The following CTNNA3 variants were observed in gnomAD, a reference collection of about 807,000 sequenced individuals.
The protein encoded by CTNNA3 is catenin alpha 3, also known as catenin alpha-3.
Under a neutral mutation model 95.7 loss-of-function variants are expected in CTNNA3, and 76 were observed. The ratio of observed to expected loss-of-function variants is 0.79; its 90% CI spans 0.66 to 0.96. The LOEUF (loss-of-function observed/expected upper bound fraction) is 0.96. Ranked by LOEUF, CTNNA3 falls within the 40% of genes least tolerant of loss-of-function variation. The pLI, the probability that CTNNA3 is intolerant of heterozygous loss-of-function variation, is 0.00. For missense variants in CTNNA3, 1,191 were observed against 1,089.8 expected (o/e 1.09, Z -1.31); for synonymous variants, 431 against 374.4 (o/e 1.15, Z -1.74).
rs542002316 is a variant in CTNNA3 at position 66,599,112 on chromosome 10, A to G, written c.1374+22580T>C. The stretch of plus-strand genomic sequence containing the variant: ...CCCTTGCATATACACATTTGTTATA[A>G]AAGCTTGAGAAAGCTACAAAGAACT... On this transcript the variant is annotated intron_variant, in intron 10 of 17. Coordinates refer to ENST00000433211, the MANE Select transcript of CTNNA3 (RefSeq NM_013266.4). 1.2e-4 allele frequency among the ~76,000 whole-genome samples: 18 copies of G among 152,124 alleles called. 1 individual carries two copies. Among genetic ancestry groups the G allele is most frequent in the African/African-American group, 3.6e-4 (15 of 41,554 alleles).
intron 5 of CTNNA3, among the ~76,000 whole-genome samples, chr10:67,504,578 G>C (rs1040687809): frequency 6.6e-6 from 1 of 151,740 alleles, no homozygotes; most frequent in South Asian, 2.1e-4. Context: ...AAAATGCATA[G>C]TGACTGATAC....
chr10:67,307,271 T>C (rs552143705), intron 5 of CTNNA3, among the ~76,000 whole-genome samples: 42 of 152,326 alleles, frequency 2.8e-4, no homozygotes, highest in African/African-American at 9.9e-4. Context: ...CTTCAGTGTC[T>C]TATAGAAAAG....
intron 7 of CTNNA3, among the ~76,000 whole-genome samples, chr10:66,800,770 C>T (rs941818545): frequency 2.6e-5 from 4 of 151,120 alleles, no homozygotes; most frequent in Admixed American, 6.6e-5. Flanking sequence ...TTTAATCCTA[C>T]GTAGATTTAT....
chr10:66,585,614 T>A (rs369373760), intron 10 of CTNNA3, among the ~76,000 whole-genome samples: 66 of 152,182 alleles, frequency 4.3e-4, no homozygotes, highest in African/African-American at 1.5e-3. Context: ...AAAAAAATTA[T>A]GTTGGTTTTC....
intron 5 of CTNNA3, among the ~76,000 whole-genome samples, chr10:67,398,715 G>A (rs1337601791): frequency 6.6e-6 from 1 of 152,096 alleles, no homozygotes; most frequent in Non-Finnish European, 1.5e-5. Flanking sequence ...GTCATGGGAG[G>A]GTACCTGGTG....
At chr10:67,443,545 A>C (rs1156773213) in intron 5 of CTNNA3, among the ~76,000 whole-genome samples, 1 of 152,212 alleles carries the variant, frequency 6.6e-6, no homozygotes, top group Non-Finnish European at 1.5e-5. Flanking sequence ...TCTGATGGCC[A>C]GTGATGATGA....
intron 15 of CTNNA3, among the ~76,000 whole-genome samples, chr10:66,063,215 GAT>G (rs1342995970): frequency 5.9e-4 from 40 of 68,022 alleles, no homozygotes; most frequent in Admixed American, 7.6e-4. Context: ...TATATATATA[GAT>G]ATAGATATAG....
At chr10:66,278,975 C>A (rs577580977) in intron 13 of CTNNA3, among the ~76,000 whole-genome samples, 1 of 152,194 alleles carries the variant, frequency 6.6e-6, no homozygotes, top group Admixed American at 6.6e-5. Context: ...CAGACATAGT[C>A]ATTGGTACAG....
intron 10 of CTNNA3, among the ~76,000 whole-genome samples, chr10:66,578,136 G>T (rs1487239124): frequency 6.6e-6 from 1 of 151,794 alleles, no homozygotes. Context: ...GGACATTATT[G>T]GTGTATAGAA....
At chr10:66,699,967 A>AT (rs1394363826) in intron 9 of CTNNA3, among the ~76,000 whole-genome samples, 1 of 151,108 alleles carries the variant, frequency 6.6e-6, no homozygotes, top group Non-Finnish European at 1.5e-5. Context: ...CACTTTGGTC[A>AT]TTTTTTTTAA....
chr10:67,057,813 T>C (rs1004835745), intron 7 of CTNNA3, among the ~76,000 whole-genome samples: 3 of 152,122 alleles, frequency 2.0e-5, no homozygotes, highest in African/African-American at 7.2e-5. Context: ...CTCAGTCTCT[T>C]TTGCCATCCC....
chr10:66,820,761 G>GA (rs1359009855), intron 7 of CTNNA3, among the ~76,000 whole-genome samples: 7 of 151,652 alleles, frequency 4.6e-5, no homozygotes, highest in African/African-American at 1.2e-4. Context: ...TCTACAATCA[G>GA]AAAAAATCAT....
chr10:66,840,769 TTC>T (rs967505837), intron 7 of CTNNA3, among the ~76,000 whole-genome samples: 11 of 149,954 alleles, frequency 7.3e-5, no homozygotes, highest in Admixed American at 1.3e-4. Context: ...TTCATATTTG[TTC>T]TCTCTCTCTC....
intron 1 of CTNNA3, among the ~76,000 whole-genome samples, chr10:67,684,165 C>T (rs902214227): frequency 7.9e-5 from 12 of 152,160 alleles, no homozygotes; most frequent in Non-Finnish European, 1.6e-4. Flanking sequence ...TTACAGAGTG[C>T]TGATTGGTCC....
chr10:66,873,058 G>A (rs1373422802), intron 7 of CTNNA3, among the ~76,000 whole-genome samples: 1 of 152,094 alleles, frequency 6.6e-6, no homozygotes. Flanking sequence ...AGTATTTCAC[G>A]ATGTATATTA....
At chr10:66,479,242 A>G (rs994053148) in intron 11 of CTNNA3, among the ~76,000 whole-genome samples, 1 of 151,880 alleles carries the variant, frequency 6.6e-6, no homozygotes, top group African/African-American at 2.4e-5. Context: ...TTCATTATCT[A>G]TATTCATATT....
At chr10:66,549,980 C>T (rs533326994) in intron 10 of CTNNA3, among the ~76,000 whole-genome samples, 19 of 152,220 alleles carry the variant, frequency 1.2e-4, no homozygotes, top group Admixed American at 4.6e-4. Flanking sequence ...AAGATAAAGA[C>T]GTATCTTTAA....
chr10:66,473,672 C>G (rs185554172), intron 11 of CTNNA3, among the ~76,000 whole-genome samples: 7 of 152,120 alleles, frequency 4.6e-5, no homozygotes, highest in Admixed American at 1.3e-4. Flanking sequence ...TGCCTCCCCC[C>G]ACTCCACAAC....
intron 11 of CTNNA3, among the ~76,000 whole-genome samples, chr10:66,408,017 C>T (rs2093071679): frequency 6.6e-6 from 1 of 152,150 alleles, no homozygotes. Context: ...TGCTGAAGTT[C>T]CTGGTGTAAA....
Sources: allele counts gnomAD v4.1 joint callset (sites outside exome capture counted in the v4.1 genomes callset), GRCh38; gene constraint gnomAD v4.1.1; transcripts MANE v1.5; gene names NCBI Gene and HGNC (gene_info 2026-07-23, HGNC 2026-07-21).